The following DDX60L variants were observed in gnomAD, a reference collection of about 807,000 sequenced individuals.
The protein encoded by DDX60L is DExD/H-box 60 like, also known as probable ATP-dependent RNA helicase DDX60-like.
A neutral mutation model predicts 211.6 loss-of-function variants in DDX60L; 191 were observed. The ratio of observed to expected loss-of-function variants is 0.90; its 90% CI spans 0.80 to 1.02. The LOEUF is 1.02. DDX60L is among the 50% of genes least tolerant of loss of function. DDX60L has a pLI of 0.00. For missense variants in DDX60L, 2,007 were observed against 1,984.1 expected, an observed-to-expected ratio of 1.01 and a Z score of -0.22; for synonymous variants, 706 against 694.1, an observed-to-expected ratio of 1.02 and a Z score of -0.27.
Position 168,427,268 on chromosome 4 carries a change from C to A in DDX60L, c.1732G>T (p.Glu578Ter). 1 of 1,613,702 alleles carries A rather than the reference C, an allele frequency of 6.2e-7. No homozygotes were observed. The highest frequency in any genetic ancestry group is 8.5e-7 in the Non-Finnish European group (1 of 1,179,802). ...TTTTGCTGAGCTTTGTTCTGATCTT[C>A]TTTGAGAAATGACTTTTTCTTACTC... ...KKSKKKSFLK[E>*]DQNKAQQNDD... The change falls in exon 14 of 38, where the codon GAA (glutamate) becomes TAA (stop). Residue 578 changes from glutamate to a stop codon, truncating the protein, a stop_gained. Transcript: ENST00000682922. LOFTEE classifies it high-confidence loss of function.
intron 23 of DDX60L, 113 bp downstream of exon 23, chr4:168,406,489 C>A: frequency 1.4e-6 from 1 of 697,730 alleles, no homozygotes; most frequent in Non-Finnish European, 2.4e-6. Flanking sequence ...TTCAAAATAG[C>A]AGCATCAACC....
chr4:168,433,033 C>T lies in DDX60L; in HGVS notation c.1377G>A (p.Met459Ile), dbSNP rs1191672654. Residue 459 changes from methionine to isoleucine, a missense_variant, in exon 11 of 38, where the codon ATG becomes ATA. Met to Ile is a conservative substitution (Grantham distance 10). Coordinates refer to ENST00000682922, the MANE Select transcript of DDX60L (RefSeq NM_001012967.3). ...AVIDEFVGDM[M>I]KDLPILKSDD... ...ACCTCTTTAGAATAGGCAAATCCTT[C>T]ATCATATCTCCAACAAACTCATCAA... is the stretch of plus-strand genomic sequence containing the variant. 1 of 1,608,208 alleles carries T rather than the reference C, an allele frequency of 6.2e-7. No homozygotes were observed. Among genetic ancestry groups the T allele is most frequent in the Non-Finnish European group, 8.5e-7 (1 of 1,176,882 alleles).
intron 1 of DDX60L, among the ~76,000 whole-genome samples, chr4:168,476,924 CT>C (rs1759585359): frequency 6.6e-6 from 1 of 152,182 alleles, no homozygotes; most frequent in Non-Finnish European, 1.5e-5. Flanking sequence ...AACATTAAGA[CT>C]CCAGGGAACA....
intron 28 of DDX60L, among the ~76,000 whole-genome samples, chr4:168,391,907 A>G (rs1348597095): frequency 6.6e-6 from 1 of 152,130 alleles, no homozygotes; most frequent in Admixed American, 6.5e-5. Context: ...TCTGATCTCT[A>G]TATAAATGTC....
rs1750297487 is a variant in DDX60L at position 168,420,354 on chromosome 4, A to G, written c.2421T>C (p.Thr807=). 6.2e-7 allele frequency: 1 copy of G among 1,611,076 alleles called. No homozygotes were observed. Among genetic ancestry groups the G allele is most frequent in the Admixed American group, 1.7e-5 (1 of 59,008 alleles). ...ACGTTTTAGTAAAACGATTCTCAACAGTTGCAGCCACTTGACCAACAAGGG... is the reference window on the plus strand; with the variant it reads ...ACGTTTTAGTAAAACGATTCTCAACGGTTGCAGCCACTTGACCAACAAGGG... ...AKSLVGQVAA[T]VENRFTKTLP... is the part of the protein sequence containing the mutation. Residue 807 remains threonine, a synonymous_variant, in exon 18 of 38, where the codon ACT becomes ACC. Transcript: ENST00000682922.
chr4:168,441,348 G>C lies in DDX60L; in HGVS notation c.1283C>G (p.Ser428Trp). 1 of 1,605,564 alleles carries C rather than the reference G, an allele frequency of 6.2e-7. No homozygotes were observed. The highest frequency in any genetic ancestry group is 8.5e-7 in the Non-Finnish European group (1 of 1,176,430). The change falls in exon 10 of 38, where the codon TCG becomes TGG. Residue 428 changes from serine (S) to tryptophan (W), a missense_variant. By Grantham distance (177) the Ser-to-Trp change is radical. Transcript: ENST00000682922. ...TRRHFLRQEK[S>W]VIQEISLEKM... is the part of the protein sequence containing the mutation. ...TACCCATTTAGTACCTTGAATGACC[G>C]ATTTCTCTTGTCTAAGAAAATGTCT...
At chr4:168,463,458 G>C (rs1348078508) in intron 4 of DDX60L, among the ~76,000 whole-genome samples, 1 of 152,102 alleles carries the variant, frequency 6.6e-6, no homozygotes, top group African/African-American at 2.4e-5. Context: ...GAGGGTGAGA[G>C]GTGGGAGAGT....
chr4:168,452,098 T>G (rs1045351942), intron 8 of DDX60L, among the ~76,000 whole-genome samples: 2 of 152,206 alleles, frequency 1.3e-5, no homozygotes, highest in Admixed American at 1.3e-4. Context: ...GAAGAAGAGA[T>G]ATGAGTTTGT....
At chr4:168,478,394 G>C in intron 1 of DDX60L, among the ~76,000 whole-genome samples, 1 of 152,124 alleles carries the variant, frequency 6.6e-6, no homozygotes, top group Non-Finnish European at 1.5e-5. Flanking sequence ...TGTAATTAAC[G>C]GCATAGGGAA....
chr4:168,417,034 T>A (rs1187063757), intron 19 of DDX60L, among the ~76,000 whole-genome samples: 1 of 152,226 alleles, frequency 6.6e-6, no homozygotes. Flanking sequence ...TTTGAAGCTA[T>A]GTTTTTCTCT....
chr4:168,458,466 T>C (rs1190667724), intron 5 of DDX60L, among the ~76,000 whole-genome samples: 7 of 152,206 alleles, frequency 4.6e-5, no homozygotes, highest in Admixed American at 4.6e-4. Flanking sequence ...TGGAATACTA[T>C]GCAGCTGTGA....
Position 168,423,644 on chromosome 4 carries a change from G to C in DDX60L, c.2061C>G (p.Gly687=). 2 of 1,594,460 alleles carry C rather than the reference G, an allele frequency of 1.3e-6. No individual in the cohort carries two copies. Among genetic ancestry groups the C allele is most frequent in the South Asian group, 2.3e-5 (2 of 87,424 alleles). ...CCAAAGAGTTTGCCAGATCATTAAAGCCTAAATATTTAAGGCATTTAGCTA... is the reference window on the plus strand; with the variant it reads ...CCAAAGAGTTTGCCAGATCATTAAACCCTAAATATTTAAGGCATTTAGCTA... ...QYIAKCLKYL[G]FNDLANSLDP... Residue 687 remains glycine, a synonymous_variant, in exon 15 of 38, where the codon GGC becomes GGG. Transcript: ENST00000682922.
chr4:168,418,104 G>A (rs1161356048), intron 19 of DDX60L, among the ~76,000 whole-genome samples: 1 of 152,190 alleles, frequency 6.6e-6, no homozygotes, highest in Admixed American at 6.5e-5. Context: ...TTTCGTTATT[G>A]TTGCCCAGGC....
At chr4:168,413,694 G>T (rs1380166491) in intron 22 of DDX60L, among the ~76,000 whole-genome samples, 3 of 151,770 alleles carry the variant, frequency 2.0e-5, no homozygotes, top group Non-Finnish European at 4.4e-5. Context: ...AGAGAAAAAA[G>T]AAAAGAGAAT....
chr4:168,446,297 A>G (rs1224195057), intron 9 of DDX60L, among the ~76,000 whole-genome samples: 1 of 152,198 alleles, frequency 6.6e-6, no homozygotes, highest in Non-Finnish European at 1.5e-5. Context: ...CAAAGAGAAT[A>G]AAATACCTAG....
At chr4:168,475,315 T>C (rs995702175) in intron 1 of DDX60L, among the ~76,000 whole-genome samples, 1 of 152,246 alleles carries the variant, frequency 6.6e-6, no homozygotes, top group African/African-American at 2.4e-5. Context: ...TGGCCAACAC[T>C]GAATGCTCTG....
At chr4:168,448,844 C>A in intron 8 of DDX60L, 65 bp from the exon 9 acceptor site, 8 of 1,471,858 alleles carry the variant, frequency 5.4e-6, no homozygotes, top group South Asian at 1.3e-5. Flanking sequence ...TCCTGGTTAA[C>A]CCCCTATAAG....
At position 168,379,063 on chromosome 4, in the gene DDX60L, A is replaced by G. The variant is rs1742460941; in HGVS notation, c.4363+300T>C. On this transcript the variant is annotated intron_variant, in intron 32 of 37. Coordinates refer to ENST00000682922, the MANE Select transcript of DDX60L (RefSeq NM_001012967.3). ...TTTAATTAACTGGGCTCTGAAGCATACTAAAATCATATGACCATCAGAAAC... is the reference window on the plus strand; with the variant it reads ...TTTAATTAACTGGGCTCTGAAGCATGCTAAAATCATATGACCATCAGAAAC... Among the ~76,000 whole-genome samples the G allele has an allele frequency of 2.6e-5, 4 of 152,234 alleles. No individual in the cohort carries two copies. In the South Asian group the frequency reaches 8.3e-4, roughly 32 times the overall value.
At chr4:168,372,536 G>A (rs13124253) in intron 35 of DDX60L, among the ~76,000 whole-genome samples, 107,205 of 151,578 alleles carry the variant, frequency 0.71, 38,769 homozygotes, top group East Asian at 0.84. Flanking sequence ...GATCAGACTG[G>A]GCAATATGCT....
Sources: allele counts gnomAD v4.1 joint callset (sites outside exome capture counted in the v4.1 genomes callset), GRCh38; gene constraint gnomAD v4.1.1; transcripts MANE v1.5; gene names NCBI Gene and HGNC (gene_info 2026-07-23, HGNC 2026-07-21).